MICU3: variants seen among roughly 807,000 people sequenced by gnomAD.
MICU3 encodes the protein mitochondrial calcium uptake 3.
In MICU3, 62 loss-of-function variants were observed where a neutral mutation model predicts 66.5. The ratio of observed to expected loss-of-function variants is 0.93; its 90% confidence interval spans 0.76 to 1.15. The LOEUF is 1.15. Ranked by LOEUF, MICU3 falls within the 50% of genes most tolerant of loss-of-function variation. MICU3 has a pLI of 0.00. For missense variants in MICU3, 779 were observed against 664.4 expected (o/e 1.17, Z -1.90); for synonymous variants, 308 against 240.7 (o/e 1.28, Z -2.59).
chr8:17,031,676 C>A (rs557491252), intron 1 of MICU3, among the ~76,000 whole-genome samples: 46 of 152,224 alleles, frequency 3.0e-4, no homozygotes, highest in African/African-American at 1.1e-3. Context: ...TATAAAGTGT[C>A]TTTTAAGTAT....
Position 17,069,723 on chromosome 8 carries a change from A to C in MICU3, c.567+4A>C, listed in dbSNP as rs1819261449. 1 of 1,529,808 alleles carries C rather than the reference A, an allele frequency of 6.5e-7. No homozygotes were observed. The highest frequency in any genetic ancestry group is 8.8e-7 in the Non-Finnish European group (1 of 1,130,598). The allele number at this position is 1,529,808 out of a possible 1,614,324, so 94.8% of individuals were successfully genotyped here. A position where few individuals can be genotyped will look rare whatever the true frequency, so the allele number is the denominator to read the frequency against. On this transcript the variant is annotated splice_donor_region_variant and intron_variant, in intron 3 of 14. Transcript: ENST00000318063. Reference sequence around the variant, plus strand: ...TTGGAAGTCACTTTCCAAACAGGTGAGTTAAAGCTCTTGGTAGATATACAC... The same window carrying C: ...TTGGAAGTCACTTTCCAAACAGGTGCGTTAAAGCTCTTGGTAGATATACAC...
intron 2 of MICU3, among the ~76,000 whole-genome samples, chr8:17,065,628 G>C (rs527560085): frequency 6.6e-6 from 1 of 152,280 alleles, no homozygotes; most frequent in Admixed American, 6.5e-5. Flanking sequence ...AAAATAGCCA[G>C]AATTGCCAAT....
chr8:17,087,063 T>A, intron 7 of MICU3, 28 bp downstream of exon 7: 1 of 1,474,188 alleles, frequency 6.8e-7, no homozygotes, highest in Non-Finnish European at 9.4e-7. Context: ...TAGCTTTAGG[T>A]GGCTTTTGTA....
intron 1 of MICU3, among the ~76,000 whole-genome samples, chr8:17,054,508 T>A (rs1816590499): frequency 6.6e-6 from 1 of 152,176 alleles, no homozygotes; most frequent in African/African-American, 2.4e-5. Context: ...AGTTTAGGAA[T>A]AATTCAGTTG....
intron 3 of MICU3, among the ~76,000 whole-genome samples, chr8:17,070,638 G>GATTT (rs763016855): frequency 1.2e-3 from 167 of 140,114 alleles, no homozygotes; most frequent in Middle Eastern, 3.6e-3. Context: ...TTATAGATAT[G>GATTT]TTTTTTTTTT....
downstream of MICU3, among the ~76,000 whole-genome samples, chr8:17,123,744 TA>T (rs1803328360): frequency 6.6e-6 from 1 of 152,028 alleles, no homozygotes; most frequent in Non-Finnish European, 1.5e-5. Flanking sequence ...ATATAACTAT[TA>T]AAATAATAAC....
chr8:17,085,282 T>C lies in MICU3; in HGVS notation c.741T>C (p.Asp247=). Residue 247 remains aspartate (D), a synonymous_variant, in exon 6 of 15, where the codon GAT becomes GAC. Transcript: ENST00000318063. ...TAGCTTTCAACATGTTTGACACTGA[T>C]GGCAATGAGATGGTGGATAAAAAAG... ...FRIAFNMFDT[D]GNEMVDKKEF... is the part of the protein sequence containing the mutation. 1 of 1,611,222 alleles carries C rather than the reference T, an allele frequency of 6.2e-7. No individual in the cohort carries two copies.
chr8:17,072,968 C>T lies in MICU3; in HGVS notation c.567+3249C>T, dbSNP rs543731450. Among the ~76,000 whole-genome samples, 8 of 151,950 alleles carry T rather than the reference C, an allele frequency of 5.3e-5. No homozygotes were observed. In the South Asian group the frequency reaches 1.7e-3, roughly 32 times the overall value. ...GTGAGTGGCACGATCTTGGCTCACT[C>T]CATCTTCTGCCTCCTGGGCTCAAGT... On this transcript the variant is annotated intron_variant, in intron 3 of 14. Transcript: ENST00000318063.
intron 2 of MICU3, among the ~76,000 whole-genome samples, chr8:17,066,460 A>G (rs538708277): frequency 7.4e-5 from 11 of 148,698 alleles, no homozygotes; most frequent in Non-Finnish European, 1.3e-4. Context: ...TTTATATCAA[A>G]TTCTATAATT....
At chr8:17,048,254 T>C (rs1291345468) in intron 1 of MICU3, among the ~76,000 whole-genome samples, 1 of 152,194 alleles carries the variant, frequency 6.6e-6, no homozygotes, top group Non-Finnish European at 1.5e-5. Flanking sequence ...AAGATATTTA[T>C]AGTACATAGC....
At chr8:17,047,101 G>A (rs931091395) in intron 1 of MICU3, among the ~76,000 whole-genome samples, 3 of 152,174 alleles carry the variant, frequency 2.0e-5, no homozygotes, top group Admixed American at 6.5e-5. Flanking sequence ...CTGGATAATA[G>A]GATAATTTGG....
intron 5 of MICU3, among the ~76,000 whole-genome samples, chr8:17,082,972 G>A (rs947506622): frequency 6.6e-6 from 1 of 152,088 alleles, no homozygotes; most frequent in Non-Finnish European, 1.5e-5. Flanking sequence ...TTATCAAGAC[G>A]GGAATTACAA....
At chr8:17,045,585 TG>T in intron 1 of MICU3, among the ~76,000 whole-genome samples, 1 of 152,232 alleles carries the variant, frequency 6.6e-6, no homozygotes, top group Non-Finnish European at 1.5e-5. Flanking sequence ...TAGCTGAACA[TG>T]TTGAGGTTCC....
At chr8:17,097,804 C>T (rs1027699655) in intron 8 of MICU3, among the ~76,000 whole-genome samples, 5 of 151,712 alleles carry the variant, frequency 3.3e-5, no homozygotes, top group Non-Finnish European at 5.9e-5. Context: ...TTTTAATCTA[C>T]ACTTCCTGAT....
At chr8:17,050,298 A>G (rs1204802848) in intron 1 of MICU3, among the ~76,000 whole-genome samples, 1 of 151,880 alleles carries the variant, frequency 6.6e-6, no homozygotes, top group Non-Finnish European at 1.5e-5. Flanking sequence ...TTTAAAAATA[A>G]TATGTCCTTC....
In MICU3 at chr8:17,027,292, C is replaced by G; in HGVS notation, c.13C>G (p.Arg5Gly). Residue 5 changes from arginine (R) to glycine (G), a missense_variant, in exon 1 of 15, where the codon CGA becomes GGA. By Grantham distance (125) the Arg-to-Gly change is moderately radical. Coordinates refer to ENST00000318063, the MANE Select transcript of MICU3 (RefSeq NM_181723.3). MAAL[R>G]RLLWPPPRVS... ...GGCGGCCTCCGCTATGGCTGCGCTGCGAAGGCTCTTGTGGCCGCCACCCCG... is the reference window on the plus strand; with the variant it reads ...GGCGGCCTCCGCTATGGCTGCGCTGGGAAGGCTCTTGTGGCCGCCACCCCG... The G allele has an allele frequency of 2.3e-6, 3 of 1,314,554 alleles. No homozygotes were observed. In the South Asian group the frequency reaches 3.8e-5, roughly 17 times the overall value. The allele number at this position is 1,314,554 out of a possible 1,614,324, so 81.4% of individuals were successfully genotyped here.
chr8:17,042,730 C>A (rs6587011), intron 1 of MICU3, among the ~76,000 whole-genome samples: 2 of 151,440 alleles, frequency 1.3e-5, no homozygotes, highest in South Asian at 4.2e-4. Context: ...TCTTCTAACC[C>A]TTCTAAAACT....
At position 17,104,330 on chromosome 8, in the gene MICU3, G is replaced by A. The variant is rs193088707; in HGVS notation, c.985-61G>A. The A allele has an allele frequency of 4.3e-3, 2,975 of 692,390 alleles. 8 individuals carry two copies. The highest frequency in any genetic ancestry group is 0.013 in the Middle Eastern group (39 of 2,956). The allele number at this position is 692,390 out of a possible 1,614,324, so 42.9% of individuals were successfully genotyped here. A position where few individuals can be genotyped will look rare whatever the true frequency, so the allele number is the denominator to read the frequency against. Reference sequence around the variant, plus strand: ...ATAACAGAATTCTTTGAGAAATATTGGGTATCCCTATTCTGTTTCTTTTAT... The same window carrying A: ...ATAACAGAATTCTTTGAGAAATATTAGGTATCCCTATTCTGTTTCTTTTAT... On this transcript the variant is annotated intron_variant, in intron 9 of 14. Coordinates refer to ENST00000318063, the MANE Select transcript of MICU3 (RefSeq NM_181723.3).
the MICU3 span, chr8:17,132,151 C>T: frequency 6.6e-6 from 1 of 152,174 alleles, no homozygotes; most frequent in South Asian, 2.1e-4. Flanking sequence ...AATTTAACCT[C>T]TAGCAACTTG....
Sources: allele counts gnomAD v4.1 joint callset (sites outside exome capture counted in the v4.1 genomes callset), GRCh38; gene constraint gnomAD v4.1.1; transcripts MANE v1.5; gene names NCBI Gene and HGNC (gene_info 2026-07-23, HGNC 2026-07-21).